Variants in F13A1 observed in about 807,000 individuals in gnomAD.
F13A1 encodes the protein FSF, A subunit.
A neutral mutation model predicts 80.1 loss-of-function variants in F13A1; 47 were observed. The ratio of observed to expected loss-of-function variants is 0.59; its 90% CI spans 0.46 to 0.75. F13A1 has a LOEUF of 0.75. F13A1 is among the 30% of genes least tolerant of loss of function. The probability of loss-of-function intolerance (pLI) is 0.00; values close to 1 mark genes in which losing one functional copy is unlikely to be tolerated. For missense variants in F13A1, 817 were observed against 930.4 expected (o/e 0.88, Z 1.59); for synonymous variants, 349 against 344.9 (o/e 1.01, Z -0.13).
At chr6:6,305,241 C>T (rs1005066198) in intron 3 of F13A1, 110 bp downstream of exon 3, 25 of 1,220,256 alleles carry the variant, frequency 2.0e-5, no homozygotes, top group Non-Finnish European at 2.9e-5. Context: ...ATTCCAGCTC[C>T]TGCCACTGTT....
At chr6:6,210,682 C>T (rs2113032122) in intron 8 of F13A1, among the ~76,000 whole-genome samples, 1 of 151,982 alleles carries the variant, frequency 6.6e-6, no homozygotes, top group South Asian at 2.1e-4. Context: ...GTGTGAGCCA[C>T]CTCACCAGGC....
At chr6:6,163,048 A>G (rs1011192804) in intron 13 of F13A1, among the ~76,000 whole-genome samples, 2 of 152,240 alleles carry the variant, frequency 1.3e-5, no homozygotes, top group Admixed American at 6.5e-5. Context: ...TGCTGTCATC[A>G]TAATCACCAG....
At chr6:6,275,660 T>C (rs1262430173) in intron 3 of F13A1, among the ~76,000 whole-genome samples, 2 of 152,326 alleles carry the variant, frequency 1.3e-5, no homozygotes, top group East Asian at 3.9e-4. Context: ...TGAGCCACTG[T>C]GCCTGGCCCT....
intron 11 of F13A1, among the ~76,000 whole-genome samples, chr6:6,177,148 C>T (rs1219396686): frequency 6.6e-6 from 1 of 152,216 alleles, no homozygotes; most frequent in Non-Finnish European, 1.5e-5. Context: ...ATATCCAAAG[C>T]CAGATTATAT....
intron 3 of F13A1, among the ~76,000 whole-genome samples, chr6:6,289,724 G>C (rs1758197752): frequency 6.6e-6 from 1 of 152,010 alleles, no homozygotes; most frequent in African/African-American, 2.4e-5. Context: ...AGAGGCTTCT[G>C]GCTGTTTATA....
chr6:6,305,209 G>C, intron 3 of F13A1, 142 bp downstream of exon 3: 2 of 912,458 alleles, frequency 2.2e-6, no homozygotes, highest in Non-Finnish European at 3.6e-6. Flanking sequence ...TAGAGCACAG[G>C]GTAATTCAGG....
At chr6:6,160,967 A>C (rs1292917070) in intron 13 of F13A1, among the ~76,000 whole-genome samples, 2 of 152,144 alleles carry the variant, frequency 1.3e-5, no homozygotes, top group Non-Finnish European at 2.9e-5. Context: ...TTCCTAGTTC[A>C]CATGAGAAAA....
chr6:6,160,881 A>T (rs1400683022), intron 13 of F13A1, among the ~76,000 whole-genome samples: 2 of 151,060 alleles, frequency 1.3e-5, no homozygotes, highest in African/African-American at 4.9e-5. Context: ...AAATTTGGAG[A>T]CATCTGTTTG....
At chr6:6,284,506 C>T (rs1431884495) in intron 3 of F13A1, among the ~76,000 whole-genome samples, 2 of 152,278 alleles carry the variant, frequency 1.3e-5, no homozygotes, top group South Asian at 2.1e-4. Flanking sequence ...AGGCCCCTGT[C>T]CACCCTGGGC....
At chr6:6,254,100 A>G (rs775426502) in intron 4 of F13A1, among the ~76,000 whole-genome samples, 13 of 152,182 alleles carry the variant, frequency 8.5e-5, no homozygotes, top group Non-Finnish European at 1.6e-4. Context: ...TGAAATACCA[A>G]TGAAATACCA....
In F13A1 at chr6:6,243,955, A is replaced by G. The variant is rs1323033600; in HGVS notation, c.798+4357T>C. Among the ~76,000 whole-genome samples, 6 of 152,248 alleles carry G rather than the reference A, an allele frequency of 3.9e-5. No individual in the cohort carries two copies. Among genetic ancestry groups the G allele is most frequent in the Admixed American group, 1.3e-4 (2 of 15,286 alleles). On this transcript the variant is annotated intron_variant, in intron 6 of 14. Coordinates refer to ENST00000264870, the MANE Select transcript of F13A1 (RefSeq NM_000129.4). This position sits in a 1 kb window ranked among gnomAD's most constrained non-coding sequence, Gnocchi z 4.2. ...AAATTCTCTGCCCATAGTTGCTGCC[A>G]GATCCTATCAGTCGGGAGGCAGGAA...
At chr6:6,313,811 T>C (rs991625608) in intron 2 of F13A1, among the ~76,000 whole-genome samples, 4 of 152,180 alleles carry the variant, frequency 2.6e-5, no homozygotes, top group Non-Finnish European at 5.9e-5. Flanking sequence ...TTGTTATTAA[T>C]ACATCCTGGA....
chr6:6,243,785 C>T lies in F13A1; in HGVS notation c.798+4527G>A, dbSNP rs573326524. ...GCACACGCTGGTTCAGCATGTGTTTCGACACAGATCCTCCACTGGTAATGC... is the reference window on the plus strand; with the variant it reads ...GCACACGCTGGTTCAGCATGTGTTTTGACACAGATCCTCCACTGGTAATGC... On this transcript the variant is annotated intron_variant, in intron 6 of 14. Coordinates refer to ENST00000264870, the MANE Select transcript of F13A1 (RefSeq NM_000129.4). This position sits in a 1 kb window ranked among gnomAD's most constrained non-coding sequence, Gnocchi z 4.2. Among the ~76,000 whole-genome samples, 5 of 152,254 alleles carry T rather than the reference C, an allele frequency of 3.3e-5. No homozygotes were observed. The highest frequency in any genetic ancestry group is 1.9e-4 in the East Asian group (1 of 5,176).
chr6:6,161,290 C>T (rs1760568237), intron 13 of F13A1, among the ~76,000 whole-genome samples: 1 of 152,094 alleles, frequency 6.6e-6, no homozygotes, highest in Non-Finnish European at 1.5e-5. Flanking sequence ...CACTTCAGGC[C>T]AGTGGCCCAC....
intron 10 of F13A1, among the ~76,000 whole-genome samples, chr6:6,188,160 C>A (rs1045711308): frequency 6.6e-6 from 1 of 152,048 alleles, no homozygotes; most frequent in African/African-American, 2.4e-5. Flanking sequence ...TTTGTTGATT[C>A]TTTCAAAAAA....
chr6:6,157,826 CA>C (rs1339300546), intron 13 of F13A1, among the ~76,000 whole-genome samples: 1 of 151,982 alleles, frequency 6.6e-6, no homozygotes, highest in African/African-American at 2.4e-5. Flanking sequence ...TTTTAAGATT[CA>C]AAAAAATAGC....
chr6:6,294,975 G>A (rs368893320), intron 3 of F13A1, among the ~76,000 whole-genome samples: 6 of 144,454 alleles, frequency 4.2e-5, no homozygotes, highest in African/African-American at 1.1e-4. Flanking sequence ...ATTCCCACCT[G>A]TGAGTGAGAA....
At chr6:6,198,785 C>G (rs969944044) in intron 8 of F13A1, among the ~76,000 whole-genome samples, 37 of 152,156 alleles carry the variant, frequency 2.4e-4, no homozygotes, top group African/African-American at 8.9e-4. Flanking sequence ...GTGTTAAGTG[C>G]TCAAAAATGG....
At chr6:6,187,547 C>A (rs1030747718) in intron 10 of F13A1, among the ~76,000 whole-genome samples, 2 of 113,340 alleles carry the variant, frequency 1.8e-5, no homozygotes, top group African/African-American at 7.2e-5. Context: ...TATATTGAAC[C>A]AGCCTTGCAT....
Sources: allele counts gnomAD v4.1 joint callset (sites outside exome capture counted in the v4.1 genomes callset), GRCh38; gene constraint gnomAD v4.1.1; non-coding constraint Gnocchi (gnomAD v3.1); transcripts MANE v1.5; gene names NCBI Gene and HGNC (gene_info 2026-07-23, HGNC 2026-07-21).